RAB38: variants seen among roughly 807,000 people sequenced by gnomAD.
RAB38 encodes the protein ras-related protein Rab-38.
A neutral mutation model predicts 18.4 loss-of-function variants in RAB38; 15 were observed. The observed-to-expected ratio is 0.82, with a 90% CI of 0.55 to 1.26. The LOEUF (loss-of-function observed/expected upper bound fraction) is 1.26, where lower values mean the gene tolerates loss of function less well. Among genes scored for constraint, RAB38 ranks in the 50% most tolerant of loss-of-function variants. The probability of loss-of-function intolerance (pLI) is 0.00; values close to 1 mark genes in which losing one functional copy is unlikely to be tolerated. For missense variants in RAB38, 294 were observed against 267.4 expected (o/e 1.10, Z -0.69); for synonymous variants, 101 against 104.4 (o/e 0.97, Z 0.20).
chr11:88,015,314 C>G, the RAB38 span, among the ~76,000 whole-genome samples: 1 of 152,048 alleles, frequency 6.6e-6, no homozygotes, highest in Admixed American at 6.5e-5. Context: ...TCCTCAGATA[C>G]TCTTTTTATT....
At chr11:87,933,488 G>C in the RAB38 span, among the ~76,000 whole-genome samples, 1 of 152,118 alleles carries the variant, frequency 6.6e-6, no homozygotes, top group African/African-American at 2.4e-5. Flanking sequence ...AGGTCTGCCA[G>C]AGAAGGCACA....
At chr11:88,076,983 AG>A in the RAB38 span, among the ~76,000 whole-genome samples, 1 of 56,106 alleles carries the variant, frequency 1.8e-5, no homozygotes, top group Non-Finnish European at 3.2e-5. Flanking sequence ...AAAGAAAGAA[AG>A]AAAGAAAAGA....
At chr11:88,027,467 G>C in the RAB38 span, among the ~76,000 whole-genome samples, 12 of 152,144 alleles carry the variant, frequency 7.9e-5, no homozygotes, top group African/African-American at 2.9e-4. Context: ...CCCTTTCCTA[G>C]TCAAAGAAAG....
chr11:87,949,168 T>C, the RAB38 span, among the ~76,000 whole-genome samples: 3 of 152,244 alleles, frequency 2.0e-5, no homozygotes, highest in Non-Finnish European at 2.9e-5. Context: ...TTTTCTAGTT[T>C]ATTTGCATAG....
chr11:88,031,718 G>C, the RAB38 span, among the ~76,000 whole-genome samples: 18 of 151,390 alleles, frequency 1.2e-4, no homozygotes, highest in African/African-American at 4.1e-4. Flanking sequence ...CACTGCTCAA[G>C]GAAATAAAAG....
At chr11:88,163,587 T>C (rs1471520354) in intron 1 of RAB38, among the ~76,000 whole-genome samples, 3 of 152,110 alleles carry the variant, frequency 2.0e-5, no homozygotes, top group Admixed American at 2.0e-4. Flanking sequence ...TAAAGCTAGA[T>C]GAAGTATATT....
At chr11:88,035,117 G>C in the RAB38 span, among the ~76,000 whole-genome samples, 1 of 152,028 alleles carries the variant, frequency 6.6e-6, no homozygotes, top group Non-Finnish European at 1.5e-5. Flanking sequence ...CAGATGGATC[G>C]TCATCTTGTA....
intron 1 of RAB38, among the ~76,000 whole-genome samples, chr11:88,151,996 C>A (rs1943068189): frequency 1.3e-5 from 2 of 152,188 alleles, no homozygotes; most frequent in Admixed American, 1.3e-4. Context: ...AAGAAAGGGG[C>A]AAAATACTGT....
chr11:87,956,479 ACCATGGCCTCCCACTCCTGCC>A, the RAB38 span, among the ~76,000 whole-genome samples: 2 of 152,098 alleles, frequency 1.3e-5, no homozygotes, highest in African/African-American at 2.4e-5. Context: ...TATCACCTGC[ACCATGGCCTCCCACTCCTGCC>A]CCATGGTCTC....
the RAB38 span, among the ~76,000 whole-genome samples, chr11:88,014,027 G>C: frequency 6.6e-6 from 1 of 152,256 alleles, no homozygotes; most frequent in South Asian, 2.1e-4. Flanking sequence ...ATGGTATTAA[G>C]TGGGAGATAG....
chr11:88,064,978 G>A, the RAB38 span, among the ~76,000 whole-genome samples: 1 of 152,110 alleles, frequency 6.6e-6, no homozygotes, highest in Non-Finnish European at 1.5e-5. Context: ...ATCTGTATCT[G>A]GAAAAAGATC....
At chr11:88,014,618 T>C in the RAB38 span, among the ~76,000 whole-genome samples, 7 of 152,082 alleles carry the variant, frequency 4.6e-5, no homozygotes, top group Non-Finnish European at 8.8e-5. Context: ...ATTGCTAATT[T>C]CTCCCATCAC....
chr11:87,893,249 G>C, the RAB38 span, among the ~76,000 whole-genome samples: 3 of 149,966 alleles, frequency 2.0e-5, no homozygotes, highest in Non-Finnish European at 4.5e-5. Context: ...CAGAGTTTTA[G>C]TTATCAAAGA....
chr11:88,057,194 C>G, the RAB38 span, among the ~76,000 whole-genome samples: 1 of 152,188 alleles, frequency 6.6e-6, no homozygotes, highest in East Asian at 1.9e-4. Flanking sequence ...CTAAAAACAT[C>G]CTGAGAAATC....
the RAB38 span, among the ~76,000 whole-genome samples, chr11:87,959,775 C>A: frequency 6.6e-6 from 1 of 152,122 alleles, no homozygotes; most frequent in African/African-American, 2.4e-5. Flanking sequence ...GACATAGCAT[C>A]GATGAGCCCA....
the RAB38 span, among the ~76,000 whole-genome samples, chr11:87,862,637 G>C: frequency 6.6e-6 from 1 of 151,794 alleles, no homozygotes; most frequent in Admixed American, 6.6e-5. Flanking sequence ...TAACAAACCT[G>C]CACTTGTACC....
At chr11:88,130,260 C>G (rs149469038) in intron 2 of RAB38, among the ~76,000 whole-genome samples, 2 of 152,026 alleles carry the variant, frequency 1.3e-5, no homozygotes, top group Admixed American at 1.3e-4. Context: ...ACAGGAACAT[C>G]TCAGGTAAAA....
chr11:88,172,784 C>T (rs1591181915), intron 1 of RAB38, among the ~76,000 whole-genome samples: 1 of 152,192 alleles, frequency 6.6e-6, no homozygotes. Context: ...ACATGGAGCA[C>T]GTGCATGTTC....
the RAB38 span, among the ~76,000 whole-genome samples, chr11:87,845,336 A>G: frequency 4.6e-5 from 7 of 152,202 alleles, no homozygotes; most frequent in Non-Finnish European, 8.8e-5. Context: ...TAAAACATCA[A>G]AAACAAAAGC....
Sources: gnomAD v4.1 joint callset for allele counts (sites outside exome capture counted in the v4.1 genomes callset) on GRCh38, gnomAD v4.1.1 for gene constraint, MANE v1.5 for transcripts, NCBI Gene and HGNC (gene_info 2026-07-23, HGNC 2026-07-21) for gene names.